The following TMEM132D variants were observed in gnomAD, a reference collection of about 807,000 sequenced individuals.
TMEM132D encodes the protein mature OL transmembrane protein.
In TMEM132D, 21 loss-of-function variants were observed where a neutral mutation model predicts 62.3. The ratio of observed to expected loss-of-function variants is 0.34; its 90% CI spans 0.24 to 0.49. The LOEUF is 0.49. Among genes scored for constraint, TMEM132D ranks in the 20% least tolerant of loss-of-function variants. The pLI, the probability that TMEM132D is intolerant of heterozygous loss-of-function variation, is 0.99. For missense variants in TMEM132D, 1,346 were observed against 1,402.8 expected, an observed-to-expected ratio of 0.96 and a Z score of 0.65; for synonymous variants, 621 against 575.6, an observed-to-expected ratio of 1.08 and a Z score of -1.13.
intron 5 of TMEM132D, among the ~76,000 whole-genome samples, chr12:129,134,130 G>C (rs1361877425): frequency 2.8e-5 from 4 of 142,120 alleles, no homozygotes; most frequent in African/African-American, 1.1e-4. Context: ...GTGTGTGTGT[G>C]TGTCTGTGTG....
At position 129,466,279 on chromosome 12, in the gene TMEM132D, CTTTTTTTTTTTTTTTTTTTTT is replaced by C. The variant is rs551019541; in HGVS notation, c.1115+64759_1115+64779del. Among the ~76,000 whole-genome samples the C allele has an allele frequency of 1.4e-3, 141 of 100,380 alleles. 17 individuals carry two copies. Among genetic ancestry groups the C allele is most frequent in the African/African-American group, 3.2e-3 (85 of 26,248 alleles). The allele number at this position is 100,380 out of a possible 152,430, so 65.9% of individuals were successfully genotyped here. A position where few individuals can be genotyped will look rare whatever the true frequency, so the allele number is the denominator to read the frequency against. ...TATAACAGTGGCTGGTAGATTTTTC[CTTTTTTTTTTTTTTTTTTTTT>C]TTTTTTTTTTTTTTTTTTTTTTTTA... On this transcript the variant is annotated intron_variant, in intron 3 of 8. Transcript: ENST00000422113.
In TMEM132D at chr12:129,867,958, T is replaced by C. The variant is rs1053006396; in HGVS notation, c.79+35303A>G. 6.6e-6 allele frequency among the ~76,000 whole-genome samples: 1 copy of C among 152,200 alleles called. No homozygotes were observed. Among genetic ancestry groups the C allele is most frequent in the Non-Finnish European group, 1.5e-5 (1 of 68,034 alleles). ...TGGTACACACGAGGCAGTGTTTCTA[T>C]GGTACACATGAGACAGCATTTGTAC... On this transcript the variant is annotated intron_variant, in intron 1 of 8. Transcript: ENST00000422113. This position sits in a 1 kb window ranked among gnomAD's most constrained non-coding sequence, Gnocchi z 4.5.
At chr12:129,188,773 G>C (rs1422659123) in intron 5 of TMEM132D, among the ~76,000 whole-genome samples, 24 of 30,116 alleles carry the variant, frequency 8.0e-4, no homozygotes, top group African/African-American at 2.8e-3. Flanking sequence ...GAGAGAGAGA[G>C]AGAGAGAGAG....
At chr12:129,585,292 C>T (rs561491735) in intron 2 of TMEM132D, among the ~76,000 whole-genome samples, 19 of 152,094 alleles carry the variant, frequency 1.2e-4, no homozygotes, top group Non-Finnish European at 2.5e-4. Flanking sequence ...TAGCCAAGGA[C>T]GCCCACATTC....
chr12:129,457,062 C>T (rs1255734307), intron 3 of TMEM132D, among the ~76,000 whole-genome samples: 1 of 151,596 alleles, frequency 6.6e-6, no homozygotes, highest in Non-Finnish European at 1.5e-5. Context: ...ACTAGAAATA[C>T]CGTTTGACCC....
intron 2 of TMEM132D, among the ~76,000 whole-genome samples, chr12:129,593,247 G>A (rs1328672901): frequency 2.0e-5 from 3 of 152,120 alleles, no homozygotes; most frequent in Non-Finnish European, 4.4e-5. Context: ...TTGTTTGTTT[G>A]GTTGGTTTTC....
intron 1 of TMEM132D, among the ~76,000 whole-genome samples, chr12:129,821,324 G>A (rs570317079): frequency 1.4e-4 from 21 of 152,264 alleles, no homozygotes; most frequent in African/African-American, 4.3e-4. Context: ...TGAAACGCAC[G>A]TCAGATGCTC....
rs35842499 is a variant in TMEM132D at position 129,356,147 on chromosome 12, A to ATTTT, written c.1116-18334_1116-18331dup. ...GTCTGCTTCTAGAGAAACTGAAGGG[A>ATTTT]TTTTTTTTTTTTTTTTTTTTTTTTT... On this transcript the variant is annotated intron_variant, in intron 3 of 8. Coordinates refer to ENST00000422113, the MANE Select transcript of TMEM132D (RefSeq NM_133448.3). Among the ~76,000 whole-genome samples the ATTTT allele has an allele frequency of 7.6e-3, 278 of 36,522 alleles. 63 individuals carry two copies. Among genetic ancestry groups the ATTTT allele is most frequent in the African/African-American group, 0.01 (82 of 8,070 alleles). 24.0% of individuals were successfully genotyped at this position (36,522 alleles called of 152,430 possible).
At chr12:129,126,236 T>A (rs1876209015) in intron 5 of TMEM132D, among the ~76,000 whole-genome samples, 1 of 152,204 alleles carries the variant, frequency 6.6e-6, no homozygotes, top group South Asian at 2.1e-4. Flanking sequence ...TATCTATGGA[T>A]CCATATTCAT....
At chr12:129,704,897 C>T (rs75567376) in intron 1 of TMEM132D, among the ~76,000 whole-genome samples, 2,143 of 151,634 alleles carry the variant, frequency 0.014, 54 homozygotes, top group African/African-American at 0.049. Flanking sequence ...AAAATGACTT[C>T]GGAGCTCACA....
At chr12:129,615,336 G>A (rs1878884048) in intron 2 of TMEM132D, among the ~76,000 whole-genome samples, 1 of 152,118 alleles carries the variant, frequency 6.6e-6, no homozygotes, top group Admixed American at 6.5e-5. Flanking sequence ...CCCAATATCT[G>A]GCCGTTTGTT....
intron 5 of TMEM132D, among the ~76,000 whole-genome samples, chr12:129,201,450 G>T (rs957275378): frequency 2.6e-5 from 4 of 152,160 alleles, no homozygotes; most frequent in African/African-American, 7.2e-5. Flanking sequence ...ACAATACACA[G>T]GTTGGCCCTG....
intron 4 of TMEM132D, among the ~76,000 whole-genome samples, chr12:129,275,028 C>T (rs1880966628): frequency 6.6e-6 from 1 of 152,140 alleles, no homozygotes; most frequent in African/African-American, 2.4e-5. Context: ...GCCTGTAATC[C>T]TAGCACTTTG....
chr12:129,270,332 C>T (rs1034165349), intron 4 of TMEM132D, among the ~76,000 whole-genome samples: 2 of 152,160 alleles, frequency 1.3e-5, no homozygotes, highest in African/African-American at 4.8e-5. Context: ...CCCTGTAGAA[C>T]ACAGGGTACC....
chr12:129,083,627 C>G (rs186241481), intron 6 of TMEM132D, among the ~76,000 whole-genome samples: 1 of 152,196 alleles, frequency 6.6e-6, no homozygotes, highest in Non-Finnish European at 1.5e-5. Context: ...AAGGAATGAG[C>G]TTGCAAGGAA....
At chr12:129,514,083 C>T (rs1875601955) in intron 3 of TMEM132D, among the ~76,000 whole-genome samples, 1 of 151,568 alleles carries the variant, frequency 6.6e-6, no homozygotes, top group Non-Finnish European at 1.5e-5. Context: ...TTGTGATCCG[C>T]CCGCCTCGGC....
At chr12:129,474,944 C>T (rs1281278121) in intron 3 of TMEM132D, among the ~76,000 whole-genome samples, 2 of 152,174 alleles carry the variant, frequency 1.3e-5, no homozygotes, top group African/African-American at 4.8e-5. Flanking sequence ...ATGCCATAAT[C>T]CACTCACTCT....
intron 3 of TMEM132D, among the ~76,000 whole-genome samples, chr12:129,378,056 G>C (rs1246784901): frequency 6.6e-6 from 1 of 152,166 alleles, no homozygotes; most frequent in Non-Finnish European, 1.5e-5. Flanking sequence ...ACAAAGTCCT[G>C]AAATTTGCAC....
chr12:129,833,494 G>A (rs1872908394), intron 1 of TMEM132D, among the ~76,000 whole-genome samples: 1 of 152,066 alleles, frequency 6.6e-6, no homozygotes, highest in Non-Finnish European at 1.5e-5. Context: ...CTGTGGTGGT[G>A]TGCACCTGTA....
Sources: gnomAD v4.1 joint callset for allele counts (sites outside exome capture counted in the v4.1 genomes callset) on GRCh38, gnomAD v4.1.1 for gene constraint, Gnocchi (gnomAD v3.1) non-coding constraint, MANE v1.5 for transcripts, NCBI Gene and HGNC (gene_info 2026-07-23, HGNC 2026-07-21) for gene names.